Variants in DNAH12 observed in about 807,000 individuals in gnomAD.
DNAH12 encodes axonemal beta dynein heavy chain 12.
Under a neutral mutation model 371.5 loss-of-function variants are expected in DNAH12, and 285 were observed. The observed-to-expected ratio is 0.77, with a 90% CI of 0.70 to 0.85. DNAH12 has a LOEUF of 0.85. Ranked by LOEUF, DNAH12 falls within the 40% of genes least tolerant of loss-of-function variation. The pLI is 0.00. For missense variants in DNAH12, 3,611 were observed against 3,689.4 expected, an observed-to-expected ratio of 0.98 and a Z score of 0.55; for synonymous variants, 1,200 against 1,213.0, an observed-to-expected ratio of 0.99 and a Z score of 0.22.
At chr3:57,498,297 C>T in intron 11 of DNAH12, 2 of 571,600 alleles carry the variant, frequency 3.5e-6, no homozygotes, top group Non-Finnish European at 6.2e-6. Flanking sequence ...AATGGTATAA[C>T]AACTTTGAAA....
At position 57,428,827 on chromosome 3, in the gene DNAH12, G is replaced by A. The variant is rs2064864648; in HGVS notation, c.5065-6C>T. 1 of 1,512,266 alleles carries A rather than the reference G, an allele frequency of 6.6e-7. No individual in the cohort carries two copies. The highest frequency in any genetic ancestry group is 2.5e-5 in the Admixed American group (1 of 40,054). 93.7% of individuals were successfully genotyped at this position (1,512,266 alleles called of 1,614,324 possible). On this transcript the variant is annotated splice_region_variant and splice_polypyrimidine_tract_variant and intron_variant, in intron 33 of 73. Coordinates refer to ENST00000495027, the MANE Select transcript of DNAH12 (RefSeq NM_001366028.2). The stretch of plus-strand genomic sequence containing the variant: ...CAACGACTTACAGTGGCAGGCTAGA[G>A]AAAAAAGGCAACTTTTTGCACTGTT...
At position 57,403,277 on chromosome 3, in the gene DNAH12, A is replaced by G. The variant is rs374113993; in HGVS notation, c.6948+32T>C. ...ACGAGTAAAAGAATATACTGTTTTC[A>G]TTTTAGATACTAGGCTTCTTCATAA... On this transcript the variant is annotated intron_variant, in intron 43 of 73. Transcript: ENST00000495027. 7 of 1,519,248 alleles carry G rather than the reference A, an allele frequency of 4.6e-6. No homozygotes were observed. The African/African-American group carries it at 9.8e-5, about 21-fold the overall frequency. 94.1% of individuals were successfully genotyped at this position (1,519,248 alleles called of 1,614,324 possible).
intron 44 of DNAH12, among the ~76,000 whole-genome samples, chr3:57,393,032 C>A (rs946495968): frequency 6.6e-6 from 1 of 152,124 alleles, no homozygotes; most frequent in African/African-American, 2.4e-5. Flanking sequence ...TATCCCTTCA[C>A]GCTCCATACC....
At chr3:57,304,373 C>T (rs1371450834) in intron 69 of DNAH12, among the ~76,000 whole-genome samples, 1 of 152,124 alleles carries the variant, frequency 6.6e-6, no homozygotes, top group African/African-American at 2.4e-5. Context: ...GTCCTCAGAC[C>T]GACCAGCCCA....
rs771112538 is a variant in DNAH12 at position 57,499,673 on chromosome 3, T to TATATATATATATACACAC, written c.1335+1647_1335+1648insGTGTGTATATATATATAT. Among the ~76,000 whole-genome samples, 73 of 44,412 alleles carry TATATATATATATACACAC rather than the reference T, an allele frequency of 1.6e-3. 4 individuals are homozygous for TATATATATATATACACAC. The highest frequency in any genetic ancestry group is 6.3e-3 in the African/African-American group (71 of 11,186). The allele number at this position is 44,412 out of a possible 152,430, so 29.1% of individuals were successfully genotyped here. A position where few individuals can be genotyped will look rare whatever the true frequency, so the allele number is the denominator to read the frequency against. On this transcript the variant is annotated intron_variant, in intron 11 of 73. Coordinates refer to ENST00000495027, the MANE Select transcript of DNAH12 (RefSeq NM_001366028.2). ...ATATATATATATATATATATATATA[T>TATATATATATATACACAC]ATACTTCTTAAAAAAATTAGCCAGG...
chr3:57,344,831 A>G (rs2062498210), intron 60 of DNAH12, among the ~76,000 whole-genome samples: 1 of 152,160 alleles, frequency 6.6e-6, no homozygotes, highest in South Asian at 2.1e-4. Context: ...TTGTTAAAGG[A>G]TACAAAAGAA....
chr3:57,488,352 C>T (rs907524599), intron 12 of DNAH12, among the ~76,000 whole-genome samples: 2 of 152,056 alleles, frequency 1.3e-5, no homozygotes, highest in African/African-American at 4.8e-5. Flanking sequence ...GCCACCACAC[C>T]CAGCTAATTT....
chr3:57,555,394 A>C, the DNAH12 span, among the ~76,000 whole-genome samples: 1 of 152,196 alleles, frequency 6.6e-6, no homozygotes, highest in East Asian at 1.9e-4. Flanking sequence ...TTACTAACTA[A>C]AAATAAACAC....
In DNAH12 at chr3:57,405,611, G is replaced by A. The variant is rs574794285; in HGVS notation, c.6576+42C>T. On this transcript the variant is annotated intron_variant, in intron 41 of 73. Coordinates refer to ENST00000495027, the MANE Select transcript of DNAH12 (RefSeq NM_001366028.2). ...AACTTAATTGTAACAATTCATATAT[G>A]GTACTGCTTTAACTCAATATGTTCT... 4.0e-5 allele frequency: 60 copies of A among 1,496,104 alleles called. No individual in the cohort carries two copies. The African/African-American group carries it at 8.2e-4, about 20-fold the overall frequency. 92.7% of individuals were successfully genotyped at this position (1,496,104 alleles called of 1,614,324 possible).
chr3:57,304,164 CCT>C (rs2061421320), intron 69 of DNAH12, among the ~76,000 whole-genome samples: 1 of 151,790 alleles, frequency 6.6e-6, no homozygotes, highest in African/African-American at 2.4e-5. Context: ...ACTGACAAAA[CCT>C]CTCTTTTCGG....
chr3:57,314,212 C>T (rs1484032320), intron 66 of DNAH12, among the ~76,000 whole-genome samples: 1 of 152,158 alleles, frequency 6.6e-6, no homozygotes. Context: ...GATGACAACA[C>T]TGTGATGTTG....
chr3:57,339,011 A>T (rs537593104), intron 60 of DNAH12, among the ~76,000 whole-genome samples: 28 of 152,038 alleles, frequency 1.8e-4, no homozygotes, highest in African/African-American at 5.5e-4. Flanking sequence ...GACATAGGAG[A>T]CTCCATTTTG....
intron 29 of DNAH12, among the ~76,000 whole-genome samples, chr3:57,442,606 A>G (rs912800045): frequency 6.6e-6 from 1 of 152,204 alleles, no homozygotes; most frequent in African/African-American, 2.4e-5. Context: ...TACAGAACCC[A>G]TTAAAAAGCA....
chr3:57,425,999 G>A (rs566464901), intron 34 of DNAH12, among the ~76,000 whole-genome samples: 2 of 152,278 alleles, frequency 1.3e-5, no homozygotes, highest in South Asian at 4.1e-4. Context: ...GAGTGCACAA[G>A]GAGGAAAACG....
chr3:57,340,799 C>A (rs1553655813), intron 60 of DNAH12, among the ~76,000 whole-genome samples: 2 of 152,122 alleles, frequency 1.3e-5, no homozygotes, highest in Non-Finnish European at 1.5e-5. Context: ...CTTCCAAACC[C>A]ATTTTACAAG....
intron 45 of DNAH12, among the ~76,000 whole-genome samples, chr3:57,390,424 A>AATATATATATATATATATATATATAT (rs1159621191): frequency 9.0e-5 from 3 of 33,440 alleles, no homozygotes; most frequent in Admixed American, 5.6e-4. Context: ...AAAAAAAAAA[A>AATATATATATATATATATATATATAT]ATATATATAT....
intron 20 of DNAH12, among the ~76,000 whole-genome samples, chr3:57,458,486 A>ATGATG (rs1307655516): frequency 1.3e-5 from 2 of 152,166 alleles, no homozygotes; most frequent in African/African-American, 4.8e-5. Flanking sequence ...ATTATTTCGA[A>ATGATG]TGATGTGAGA....
chr3:57,539,148 C>T (rs919249984), intron 2 of DNAH12, among the ~76,000 whole-genome samples: 42 of 152,190 alleles, frequency 2.8e-4, no homozygotes, highest in Non-Finnish European at 8.8e-5. Flanking sequence ...CTCTTTGTGT[C>T]CCCCTATTCC....
At chr3:57,334,342 C>T in intron 62 of DNAH12, 123 bp downstream of exon 62, 1 of 1,077,466 alleles carries the variant, frequency 9.3e-7, no homozygotes, top group Non-Finnish European at 1.2e-6. Context: ...CCAAAGAGCT[C>T]AATGAACTGT....
Sources: allele counts gnomAD v4.1 joint callset (sites outside exome capture counted in the v4.1 genomes callset), GRCh38; gene constraint gnomAD v4.1.1; transcripts MANE v1.5; gene names NCBI Gene and HGNC (gene_info 2026-07-23, HGNC 2026-07-21).